Variants in DTD1 observed in about 807,000 individuals in gnomAD.
The protein encoded by DTD1 is D-aminoacyl-tRNA deacylase 1, also known as D-tyrosyl-tRNA deacylase 1 homolog.
In DTD1, 13 loss-of-function variants were observed where a neutral mutation model predicts 25.6. The ratio of observed to expected loss-of-function variants is 0.51; its 90% CI spans 0.33 to 0.81. The LOEUF (loss-of-function observed/expected upper bound fraction) is 0.81, where lower values mean the gene tolerates loss of function less well. Ranked by LOEUF, DTD1 falls within the 30% of genes least tolerant of loss-of-function variation. The probability of loss-of-function intolerance (pLI) is 0.02; values close to 1 mark genes in which losing one functional copy is unlikely to be tolerated. For synonymous variants in DTD1, 110 were observed against 103.6 expected (o/e 1.06, Z -0.37); for missense variants, 193 against 266.4 (o/e 0.72, Z 1.92).
At chr20:18,661,371 CTTTTT>C in intron 4 of DTD1, among the ~76,000 whole-genome samples, 1 of 120,192 alleles carries the variant, frequency 8.3e-6, no homozygotes, top group African/African-American at 3.1e-5. Flanking sequence ...GTCTTCTAGT[CTTTTT>C]TTTTTTTTTT....
At chr20:18,718,420 G>T (rs545845338) in intron 4 of DTD1, among the ~76,000 whole-genome samples, 75 of 152,320 alleles carry the variant, frequency 4.9e-4, no homozygotes, top group African/African-American at 1.8e-3. Flanking sequence ...GGATGATAGA[G>T]CCTGGGATTC....
intron 4 of DTD1, chr20:18,643,192 G>T: frequency 4.1e-6 from 1 of 242,462 alleles, no homozygotes; most frequent in East Asian, 1.4e-4. Flanking sequence ...TGGGATTACA[G>T]TTGTGAGCCA....
chr20:18,609,878 G>A (rs980622225), intron 3 of DTD1, among the ~76,000 whole-genome samples: 1 of 152,140 alleles, frequency 6.6e-6, no homozygotes, highest in African/African-American at 2.4e-5. Context: ...CCTACCCTAT[G>A]TCCACTGGGA....
At chr20:18,709,270 C>G (rs1358571280) in intron 4 of DTD1, among the ~76,000 whole-genome samples, 1 of 152,160 alleles carries the variant, frequency 6.6e-6, no homozygotes, top group Non-Finnish European at 1.5e-5. Flanking sequence ...CAGCCCTGCA[C>G]AGAAAGGTGC....
intron 3 of DTD1, among the ~76,000 whole-genome samples, chr20:18,617,187 C>T (rs1374598283): frequency 6.6e-6 from 1 of 152,006 alleles, no homozygotes; most frequent in African/African-American, 2.4e-5. Flanking sequence ...AAAGAAACTT[C>T]TGTTCAGTGT....
In DTD1 at chr20:18,720,266, T is replaced by C. The variant is rs550818869; in HGVS notation, c.478-23834T>C. The stretch of plus-strand genomic sequence containing the variant: ...GGAAAATGACCAATTGGTTTTCTAC[T>C]ATTGACTGTTAAGAGAACATTTCAT... On this transcript the variant is annotated intron_variant, in intron 4 of 5. Coordinates refer to ENST00000377452, the MANE Select transcript of DTD1 (RefSeq NM_080820.6). Among the ~76,000 whole-genome samples, 3 of 152,340 alleles carry C rather than the reference T, an allele frequency of 2.0e-5. No homozygotes were observed. In the South Asian group the frequency reaches 6.2e-4, roughly 32 times the overall value.
intron 4 of DTD1, among the ~76,000 whole-genome samples, chr20:18,714,063 G>T (rs2061170331): frequency 6.6e-6 from 1 of 152,192 alleles, no homozygotes; most frequent in South Asian, 2.1e-4. Context: ...CTCACCATCT[G>T]TCAGATGGGG....
intron 5 of DTD1, 73 bp downstream of exon 5, chr20:18,744,344 C>T (rs886953667): frequency 2.0e-6 from 3 of 1,470,914 alleles, no homozygotes; most frequent in East Asian, 4.7e-5. Context: ...GGAATAGCTG[C>T]TGAGGCTGAA....
At position 18,608,343 on chromosome 20, in the gene DTD1, T is replaced by A. The variant is rs367760968; in HGVS notation, c.370+12102T>A. Among the ~76,000 whole-genome samples, 5 of 151,328 alleles carry A rather than the reference T, an allele frequency of 3.3e-5. No individual in the cohort carries two copies. The East Asian group carries it at 9.7e-4, about 29-fold the overall frequency. Reference sequence around the variant, plus strand: ...TTTGGTTTGATTTTCTCTACTGGTTTCCTATTGTCAATTGATTTGTGCTCT... The same window carrying A: ...TTTGGTTTGATTTTCTCTACTGGTTACCTATTGTCAATTGATTTGTGCTCT... On this transcript the variant is annotated intron_variant, in intron 3 of 5. Coordinates refer to ENST00000377452, the MANE Select transcript of DTD1 (RefSeq NM_080820.6).
intron 4 of DTD1, among the ~76,000 whole-genome samples, chr20:18,708,231 T>TAAATATATATTACATATATG (rs1462362587): frequency 6.5e-5 from 1 of 15,394 alleles, no homozygotes; most frequent in African/African-American, 2.0e-4. Flanking sequence ...ATATATATAT[T>TAAATATATATTACATATATG]TTATATATAT....
In DTD1 at chr20:18,766,599, C is replaced by A. The variant is rs553900345; in HGVS notation, c.*3259C>A. ...TCTACTAAAAATACAAAAAATTAGC[C>A]GGGCGTGGTGGCGGGTGCCTTAGTC... On this transcript the variant is annotated 3_prime_UTR_variant, in exon 6 of 6. Coordinates refer to ENST00000377452, the MANE Select transcript of DTD1 (RefSeq NM_080820.6). 1 of 151,816 alleles carries A rather than the reference C, an allele frequency of 6.6e-6. No homozygotes were observed. The highest frequency in any genetic ancestry group is 1.5e-5 in the Non-Finnish European group (1 of 68,018). The allele number at this position is 151,816 out of a possible 1,614,324, so 9.4% of individuals were successfully genotyped here.
chr20:18,699,485 C>T (rs2061093810), intron 4 of DTD1, among the ~76,000 whole-genome samples: 1 of 152,184 alleles, frequency 6.6e-6, no homozygotes, highest in African/African-American at 2.4e-5. Context: ...GCCAGCAGGA[C>T]AGTCATGGGG....
intron 4 of DTD1, among the ~76,000 whole-genome samples, chr20:18,728,458 G>A (rs2061230057): frequency 6.6e-6 from 1 of 152,204 alleles, no homozygotes; most frequent in Non-Finnish European, 1.5e-5. Context: ...GGATCTGTCA[G>A]AATGCAGATT....
At chr20:18,707,808 T>C (rs1389216983) in intron 4 of DTD1, among the ~76,000 whole-genome samples, 1 of 152,074 alleles carries the variant, frequency 6.6e-6, no homozygotes, top group African/African-American at 2.4e-5. Context: ...CTTATGCTGC[T>C]TCCTTTCCTT....
intron 3 of DTD1, among the ~76,000 whole-genome samples, chr20:18,626,927 T>C (rs1387727502): frequency 1.3e-5 from 2 of 152,262 alleles, no homozygotes; most frequent in African/African-American, 4.8e-5. Flanking sequence ...AATTTTCTAC[T>C]AATTGTAGCC....
At chr20:18,615,040 C>G (rs1264765387) in intron 3 of DTD1, among the ~76,000 whole-genome samples, 1 of 152,186 alleles carries the variant, frequency 6.6e-6, no homozygotes. Flanking sequence ...CTGGCTTCCT[C>G]CACAGTGAGC....
intron 4 of DTD1, among the ~76,000 whole-genome samples, chr20:18,662,908 G>A (rs895118123): frequency 3.3e-5 from 5 of 152,098 alleles, no homozygotes; most frequent in African/African-American, 1.2e-4. Context: ...TCTTTTTATG[G>A]CTCTTATCGC....
intron 4 of DTD1, among the ~76,000 whole-genome samples, chr20:18,664,600 T>G (rs560029429): frequency 6.6e-6 from 1 of 152,092 alleles, no homozygotes; most frequent in Non-Finnish European, 1.5e-5. Flanking sequence ...GGGGGCTGAT[T>G]TGGGGAATGG....
chr20:18,624,468 C>T (rs933536219), intron 3 of DTD1, among the ~76,000 whole-genome samples: 6 of 152,040 alleles, frequency 3.9e-5, no homozygotes, highest in Non-Finnish European at 8.8e-5. Context: ...AAATCATATC[C>T]CAAGACATCA....
Sources: allele counts gnomAD v4.1 joint callset (sites outside exome capture counted in the v4.1 genomes callset), GRCh38; gene constraint gnomAD v4.1.1; transcripts MANE v1.5; gene names NCBI Gene and HGNC (gene_info 2026-07-23, HGNC 2026-07-21).